EGFL6: variants seen among roughly 807,000 people sequenced by gnomAD.
EGFL6 encodes the protein epidermal growth factor-like protein 6.
A neutral mutation model predicts 43.1 loss-of-function variants in EGFL6; 42 were observed. The observed-to-expected ratio is 0.98, with a 90% CI of 0.76 to 1.26. EGFL6 has a LOEUF of 1.26. Among genes scored for constraint, EGFL6 ranks in the 50% most tolerant of loss-of-function variants. The pLI, the probability that EGFL6 is intolerant of heterozygous loss-of-function variation, is 0.00. For missense variants in EGFL6, 429 were observed against 427.8 expected (o/e 1.00, Z -0.02); for synonymous variants, 164 against 163.2 (o/e 1.01, Z -0.04).
chrX:13,577,258 G>A (rs1230763576), intron 1 of EGFL6, among the ~76,000 whole-genome samples: 1 of 97,695 alleles, frequency 1.0e-5, no homozygotes, highest in East Asian at 3.1e-4. Flanking sequence ...GACCAAGGAA[G>A]GGGGATGGAG....
In EGFL6 at chrX:13,617,991, A is replaced by G; in HGVS notation, c.1040A>G (p.Lys347Arg). Reference sequence around the variant, plus strand: ...ATGAAAGAGGGGCTTGAGGATGAGAAAAGAGAAGAGAAAGCCCTGAAGAAT... The same window carrying G: ...ATGAAAGAGGGGCTTGAGGATGAGAGAAGAGAAGAGAAAGCCCTGAAGAAT... ...EKMKEGLEDEKREEKALKNDI... is the reference protein window; with the variant it reads ...EKMKEGLEDERREEKALKNDI... The change falls in exon 8 of 12, where the codon AAA becomes AGA. Residue 347 changes from lysine to arginine, a missense_variant. Coordinates refer to ENST00000361306, the MANE Select transcript of EGFL6 (RefSeq NM_015507.4). 1 of 1,211,854 alleles carries G rather than the reference A, an allele frequency of 8.3e-7. No homozygotes were observed. Among genetic ancestry groups the G allele is most frequent in the Non-Finnish European group, 1.1e-6 (1 of 895,548 alleles).
At position 13,587,851 on chromosome X, in the gene EGFL6, G is replaced by A. The variant is rs183587378; in HGVS notation, c.75-1705G>A. Reference sequence around the variant, plus strand: ...TGCCTGAGACAGTACTTGGTACATAGCAAATGCACAATAAATGTTTTGCTT... The same window carrying A: ...TGCCTGAGACAGTACTTGGTACATAACAAATGCACAATAAATGTTTTGCTT... On this transcript the variant is annotated intron_variant, in intron 1 of 11. Transcript: ENST00000361306. 6.3e-3 allele frequency among the ~76,000 whole-genome samples: 706 copies of A among 111,920 alleles called. 7 individuals carry two copies. Among genetic ancestry groups the A allele is most frequent in the African/African-American group, 0.022 (664 of 30,795 alleles).
At chrX:13,623,709 T>C in intron 9 of EGFL6, 115 bp from the exon 10 acceptor site, 1 of 524,405 alleles carries the variant, frequency 1.9e-6, no homozygotes, top group African/African-American at 2.3e-5. Context: ...ACAGGGTATG[T>C]CATGATCTGT....
In EGFL6 at chrX:13,623,377, GTTTTTTT is replaced by G. The variant is rs774112791; in HGVS notation, c.1184-433_1184-427del. 3.0e-4 allele frequency among the ~76,000 whole-genome samples: 12 copies of G among 40,362 alleles called. 1 individual carries two copies. In the East Asian group the frequency reaches 0.014, roughly 48 times the overall value. 35.0% of individuals were successfully genotyped at this position (40,362 alleles called of 115,157 possible). On this transcript the variant is annotated intron_variant, in intron 9 of 11. Coordinates refer to ENST00000361306, the MANE Select transcript of EGFL6 (RefSeq NM_015507.4). The stretch of plus-strand genomic sequence containing the variant: ...AAAAAGGGTTTTTGTTTTATTTTGG[GTTTTTTT>G]TTTTTTTTTTTTTGAGACAGAGTCT...
Position 13,617,844 on chromosome X carries a change from A to C in EGFL6, c.893A>C (p.Asn298Thr). 1 of 1,211,570 alleles carries C rather than the reference A, an allele frequency of 8.3e-7. No individual in the cohort carries two copies. Among genetic ancestry groups the C allele is most frequent in the Non-Finnish European group, 1.1e-6 (1 of 895,471 alleles). Reference protein sequence around the residue: ...NSMKKKAKIKNVTPEPTRTPT... With the variant: ...NSMKKKAKIKTVTPEPTRTPT... ...ATGAAAAAGAAGGCAAAAATTAAAA[A>C]TGTTACCCCAGAACCCACCAGGACT... Residue 298 changes from asparagine to threonine, a missense_variant, in exon 8 of 12, where the codon AAT (asparagine) becomes ACT (threonine). Asn to Thr is a moderately conservative substitution (Grantham distance 65, BLOSUM62 0). Transcript: ENST00000361306.
intron 2 of EGFL6, among the ~76,000 whole-genome samples, chrX:13,591,930 G>C (rs887747544): frequency 5.4e-5 from 6 of 112,047 alleles, no homozygotes; most frequent in African/African-American, 1.9e-4. Context: ...GCTTCAGATA[G>C]AGAAGTTTGG....
At chrX:13,574,640 G>C (rs2045460960) in intron 1 of EGFL6, 2 of 109,919 alleles carry the variant, frequency 1.8e-5, no homozygotes, top group Middle Eastern at 4.6e-3. Context: ...GGAGATTAGG[G>C]CCTTTCTCCC....
intron 8 of EGFL6, among the ~76,000 whole-genome samples, chrX:13,618,891 A>G (rs1166468035): frequency 3.7e-5 from 1 of 27,313 alleles, no homozygotes; most frequent in East Asian, 2.9e-3. Context: ...CAAAAAAAGA[A>G]AAAAAAAAAC....
At chrX:13,586,240 A>G (rs2146964991) in intron 1 of EGFL6, among the ~76,000 whole-genome samples, 1 of 112,068 alleles carries the variant, frequency 8.9e-6, no homozygotes, top group Admixed American at 9.5e-5. Flanking sequence ...AATGAACAAT[A>G]ACAAGTGCTG....
intron 5 of EGFL6, 144 bp downstream of exon 5, chrX:13,603,580 A>C (rs1483718375): frequency 2.7e-6 from 2 of 730,631 alleles, no homozygotes; most frequent in Non-Finnish European, 3.8e-6. Context: ...TTTCTGAGAT[A>C]CTTTTAGCCA....
At chrX:13,613,383 C>T (rs2045703056) in intron 7 of EGFL6, among the ~76,000 whole-genome samples, 1 of 109,923 alleles carries the variant, frequency 9.1e-6, no homozygotes, top group African/African-American at 3.3e-5. Context: ...ATAATTTGGT[C>T]TTGATTTGAC....
chrX:13,623,376 G>GTTTTTTTTTTTTTTTTTTTTTTTTTTT (rs1569209997), intron 9 of EGFL6, among the ~76,000 whole-genome samples: 1 of 41,033 alleles, frequency 2.4e-5, no homozygotes, highest in East Asian at 1.3e-3. Context: ...TTTTATTTTG[G>GTTTTTTTTTTTTTTTTTTTTTTTTTTT]GTTTTTTTTT....
At chrX:13,627,789 A>T (rs992307723) in intron 11 of EGFL6, among the ~76,000 whole-genome samples, 1 of 112,015 alleles carries the variant, frequency 8.9e-6, no homozygotes, top group Non-Finnish European at 1.9e-5. Context: ...TATAGATTAA[A>T]ATCAGTAGAG....
chrX:13,606,369 T>TA lies in EGFL6; in HGVS notation c.521-9dup. ...GCTATCACTGACACCTTCTGGTTTT[T>TA]ACACCCTAGATATTGATGAATGTGC... On this transcript the variant is annotated splice_polypyrimidine_tract_variant and intron_variant, in intron 5 of 11. Transcript: ENST00000361306. 1 of 1,208,944 alleles carries TA rather than the reference T, an allele frequency of 8.3e-7. No individual in the cohort carries two copies.
intron 5 of EGFL6, among the ~76,000 whole-genome samples, chrX:13,605,971 T>G (rs1313116541): frequency 8.9e-6 from 1 of 112,193 alleles, no homozygotes; most frequent in Non-Finnish European, 1.9e-5. Flanking sequence ...ACTTAAAGTA[T>G]AGCTATCTGA....
intron 2 of EGFL6, among the ~76,000 whole-genome samples, chrX:13,593,757 G>A (rs60640348): frequency 0.036 from 4,033 of 111,725 alleles, 163 homozygotes; most frequent in African/African-American, 0.12. Flanking sequence ...GTGGTCTGGA[G>A]ACAAGAAAAA....
intron 3 of EGFL6, among the ~76,000 whole-genome samples, chrX:13,597,107 G>A (rs5979918): frequency 0.4 from 44,128 of 111,031 alleles, 6,439 homozygotes; most frequent in East Asian, 0.71. Flanking sequence ...ACATCCTGCA[G>A]TGCACAGGAC....
At chrX:13,612,107 C>A (rs1215533016) in intron 7 of EGFL6, among the ~76,000 whole-genome samples, 1 of 109,435 alleles carries the variant, frequency 9.1e-6, no homozygotes, top group Non-Finnish European at 1.9e-5. Flanking sequence ...GGGGATTTGG[C>A]AGGGTCATAG....
chrX:13,575,960 G>T (rs985686395), intron 1 of EGFL6, among the ~76,000 whole-genome samples: 6 of 112,091 alleles, frequency 5.4e-5, no homozygotes, highest in Non-Finnish European at 1.1e-4. Context: ...ATGGAGTCAG[G>T]GACCCAGATG....
Sources: allele counts gnomAD v4.1 joint callset (sites outside exome capture counted in the v4.1 genomes callset), GRCh38; gene constraint gnomAD v4.1.1; transcripts MANE v1.5; gene names NCBI Gene and HGNC (gene_info 2026-07-23, HGNC 2026-07-21).